The following BNC2 variants were observed in gnomAD, a reference collection of about 807,000 sequenced individuals.
The protein encoded by BNC2 is basonuclin zinc finger protein 2.
Under a neutral mutation model 76.3 loss-of-function variants are expected in BNC2, and 20 were observed. That is an observed-to-expected ratio of 0.26 (90% CI 0.18 to 0.38). BNC2 has a LOEUF of 0.38. Among genes scored for constraint, BNC2 ranks in the 10% least tolerant of loss-of-function variants. The pLI is 1.00. For missense variants in BNC2, 1,382 were observed against 1,399.8 expected (o/e 0.99, Z 0.20); for synonymous variants, 582 against 514.8 (o/e 1.13, Z -1.77).
chr9:16,445,095 A>T (rs1057162808), intron 5 of BNC2, among the ~76,000 whole-genome samples: 2 of 152,220 alleles, frequency 1.3e-5, no homozygotes, highest in African/African-American at 4.8e-5. Flanking sequence ...CACAAAAAAA[A>T]TTCTCATTGA....
chr9:16,870,365 CG>C (rs1414779449), intron 1 of BNC2, among the ~76,000 whole-genome samples: 1 of 152,212 alleles, frequency 6.6e-6, no homozygotes, highest in Admixed American at 6.5e-5. Flanking sequence ...AAGCCGCGAG[CG>C]GGGCCGACCT....
intron 3 of BNC2, among the ~76,000 whole-genome samples, chr9:16,597,693 C>A (rs895394224): frequency 6.6e-6 from 1 of 152,096 alleles, no homozygotes; most frequent in Non-Finnish European, 1.5e-5. Context: ...TTGTTTTACA[C>A]ATGAGAAGGC....
intron 4 of BNC2, among the ~76,000 whole-genome samples, chr9:16,560,594 G>C (rs141697184): frequency 1.4e-4 from 22 of 152,194 alleles, no homozygotes; most frequent in African/African-American, 5.3e-4. Context: ...AAGTGTGGTA[G>C]AGCAAGCCTA....
At chr9:16,742,192 GA>G (rs1824871392) in intron 1 of BNC2, among the ~76,000 whole-genome samples, 1 of 152,142 alleles carries the variant, frequency 6.6e-6, no homozygotes, top group Non-Finnish European at 1.5e-5. Context: ...TTCTGGCTAG[GA>G]AATTCCCCAA....
intron 1 of BNC2, among the ~76,000 whole-genome samples, chr9:16,749,074 T>C (rs1310596403): frequency 6.6e-6 from 1 of 150,570 alleles, no homozygotes; most frequent in African/African-American, 2.4e-5. Context: ...GTATGTAAGC[T>C]TGTAAGCTTT....
At chr9:16,860,201 C>G (rs1463329665) in intron 1 of BNC2, among the ~76,000 whole-genome samples, 1 of 151,882 alleles carries the variant, frequency 6.6e-6, no homozygotes, top group African/African-American at 2.4e-5. Flanking sequence ...AAGTCAACTT[C>G]TAAGGAACTA....
chr9:16,671,435 G>C (rs1357929625), intron 3 of BNC2, among the ~76,000 whole-genome samples: 1 of 152,156 alleles, frequency 6.6e-6, no homozygotes, highest in Non-Finnish European at 1.5e-5. Flanking sequence ...ACATCCAAAA[G>C]AACAGGCAGC....
At chr9:16,703,982 GA>G (rs1412652900) in intron 3 of BNC2, among the ~76,000 whole-genome samples, 5 of 152,048 alleles carry the variant, frequency 3.3e-5, no homozygotes, top group Admixed American at 6.5e-5. Context: ...AACAAAGAAA[GA>G]ATTAAGGTTT....
intron 3 of BNC2, among the ~76,000 whole-genome samples, chr9:16,593,458 C>A (rs953403185): frequency 6.6e-6 from 1 of 151,942 alleles, no homozygotes; most frequent in African/African-American, 2.4e-5. Flanking sequence ...AAATCAACAG[C>A]GGGATATAGC....
chr9:16,671,438 C>G (rs995296247), intron 3 of BNC2, among the ~76,000 whole-genome samples: 2 of 152,180 alleles, frequency 1.3e-5, no homozygotes, highest in African/African-American at 4.8e-5. Context: ...TCCAAAAGAA[C>G]AGGCAGCCCA....
At chr9:16,517,392 G>T (rs138265672) in intron 5 of BNC2, among the ~76,000 whole-genome samples, 295 of 152,284 alleles carry the variant, frequency 1.9e-3, no homozygotes, top group Non-Finnish European at 3.3e-3. Context: ...TGCAATATTT[G>T]CCTTACAGTA....
chr9:16,730,123 A>G (rs1173328270), intron 2 of BNC2, among the ~76,000 whole-genome samples: 1 of 151,726 alleles, frequency 6.6e-6, no homozygotes, highest in Non-Finnish European at 1.5e-5. Context: ...CACTAACAAC[A>G]CAAAAATCAA....
intron 1 of BNC2, among the ~76,000 whole-genome samples, chr9:16,843,598 T>A (rs375759895): frequency 9.8e-5 from 15 of 152,390 alleles, no homozygotes; most frequent in African/African-American, 3.6e-4. Flanking sequence ...CCTCCTGAAG[T>A]ACTGGGATTA....
chr9:16,471,453 C>T (rs957271754), intron 5 of BNC2, among the ~76,000 whole-genome samples: 72 of 152,158 alleles, frequency 4.7e-4, no homozygotes, highest in African/African-American at 1.6e-3. Context: ...ACCACCATGC[C>T]CAGCTGATTT....
At chr9:16,797,263 C>A (rs1817680274) in intron 1 of BNC2, among the ~76,000 whole-genome samples, 1 of 152,088 alleles carries the variant, frequency 6.6e-6, no homozygotes, top group Non-Finnish European at 1.5e-5. Context: ...ACACTTGGCT[C>A]TAATAAGCTG....
intron 1 of BNC2, among the ~76,000 whole-genome samples, chr9:16,799,467 A>G (rs1246026343): frequency 1.3e-5 from 2 of 152,118 alleles, no homozygotes; most frequent in African/African-American, 2.4e-5. Flanking sequence ...AGCACCTGCC[A>G]CAACACCTGG....
intron 5 of BNC2, among the ~76,000 whole-genome samples, chr9:16,450,326 T>A (rs1319177575): frequency 6.6e-6 from 1 of 152,214 alleles, no homozygotes; most frequent in African/African-American, 2.4e-5. Flanking sequence ...CTGCAGATAA[T>A]TTAGAAGAAT....
intron 1 of BNC2, among the ~76,000 whole-genome samples, chr9:16,802,162 A>G (rs1563949842): frequency 6.6e-6 from 1 of 152,216 alleles, no homozygotes; most frequent in Non-Finnish European, 1.5e-5. Flanking sequence ...CATTGGGGCC[A>G]GTTAAGAGTG....
intron 3 of BNC2, among the ~76,000 whole-genome samples, chr9:16,710,822 C>T (rs1489384888): frequency 6.6e-6 from 1 of 152,004 alleles, no homozygotes; most frequent in Non-Finnish European, 1.5e-5. Flanking sequence ...TACCCAGGTC[C>T]TTCATGCAAT....
Sources: gnomAD v4.1 joint callset for allele counts (sites outside exome capture counted in the v4.1 genomes callset) on GRCh38, gnomAD v4.1.1 for gene constraint, MANE v1.5 for transcripts, NCBI Gene and HGNC (gene_info 2026-07-23, HGNC 2026-07-21) for gene names.